The following SORCS2 variants were observed in gnomAD, a reference collection of about 807,000 sequenced individuals.
The protein encoded by SORCS2 is sortilin related VPS10 domain containing receptor 2.
In SORCS2, 100 loss-of-function variants were observed where a neutral mutation model predicts 141.6. The ratio of observed to expected loss-of-function variants is 0.71; its 90% CI spans 0.60 to 0.83. SORCS2 has a LOEUF of 0.83. Among genes scored for constraint, SORCS2 ranks in the 40% least tolerant of loss-of-function variants. SORCS2 has a pLI of 0.00. For missense variants in SORCS2, 1,646 were observed against 1,560.2 expected (o/e 1.05, Z -0.93); for synonymous variants, 789 against 676.9 (o/e 1.17, Z -2.57).
chr4:7,707,087 G>A (rs547432064), intron 14 of SORCS2, among the ~76,000 whole-genome samples: 1 of 152,352 alleles, frequency 6.6e-6, no homozygotes, highest in South Asian at 2.1e-4. Context: ...GCACTCCAGG[G>A]CAGCTCTGTG....
At chr4:7,684,560 C>A (rs1317647343) in intron 10 of SORCS2, among the ~76,000 whole-genome samples, 2 of 152,178 alleles carry the variant, frequency 1.3e-5, no homozygotes. Context: ...ACCCATAAGC[C>A]CTTCTTAGAG....
At chr4:7,301,917 G>A (rs1050914264) in intron 1 of SORCS2, among the ~76,000 whole-genome samples, 7 of 152,156 alleles carry the variant, frequency 4.6e-5, no homozygotes, top group Non-Finnish European at 7.3e-5. Context: ...GTGCCATGGC[G>A]CCTCTCCTTC....
At position 7,546,340 on chromosome 4, in the gene SORCS2, G is replaced by T. The variant is rs1317134425; in HGVS notation, c.648+14711G>T. Among the ~76,000 whole-genome samples, 4 of 152,212 alleles carry T rather than the reference G, an allele frequency of 2.6e-5. No homozygotes were observed. The South Asian group carries it at 6.2e-4, about 24-fold the overall frequency. ...TTCTCCCCTTCCCCGGCACCGGCGGGGCTTGCTAGTGGCAAAGCTCAGCCT... is the reference window on the plus strand; with the variant it reads ...TTCTCCCCTTCCCCGGCACCGGCGGTGCTTGCTAGTGGCAAAGCTCAGCCT... On this transcript the variant is annotated intron_variant, in intron 3 of 26. Coordinates refer to ENST00000507866, the MANE Select transcript of SORCS2 (RefSeq NM_020777.3).
chr4:7,587,257 C>A (rs1716597675), intron 3 of SORCS2, among the ~76,000 whole-genome samples: 1 of 152,122 alleles, frequency 6.6e-6, no homozygotes, highest in African/African-American at 2.4e-5. Flanking sequence ...TAATATTTGG[C>A]CACTCAGATC....
rs575055952 is a variant in SORCS2, at chr4:7,506,610, C to A, written c.549-24920C>A. 1.2e-4 allele frequency among the ~76,000 whole-genome samples: 19 copies of A among 152,290 alleles called. No homozygotes were observed. In the South Asian group the frequency reaches 2.9e-3, roughly 23 times the overall value. ...CCGCATGGCCCTTGGCTTGTCATTT[C>A]CCCCTGCTCTGGGCCTCAGTGCTTC... On this transcript the variant is annotated intron_variant, in intron 2 of 26. Transcript: ENST00000507866.
chr4:7,339,701 A>G (rs1720251721), intron 1 of SORCS2, among the ~76,000 whole-genome samples: 1 of 152,250 alleles, frequency 6.6e-6, no homozygotes, highest in Non-Finnish European at 1.5e-5. Flanking sequence ...AAATAAGGGC[A>G]CATTCGTAGG....
At position 7,486,653 on chromosome 4, in the gene SORCS2, C is replaced by T. The variant is rs776408678; in HGVS notation, c.549-44877C>T. 1.1e-4 allele frequency among the ~76,000 whole-genome samples: 16 copies of T among 152,300 alleles called. No individual in the cohort carries two copies. The Middle Eastern group carries it at 0.01, about 97-fold the overall frequency. On this transcript the variant is annotated intron_variant, in intron 2 of 26. Transcript: ENST00000507866. ...TATTCTCTCCCAGAAGCCTGGAAGT[C>T]GGAAATCACGGTGTCTGCAAGGCAT...
chr4:7,535,959 G>A (rs1712090721), intron 3 of SORCS2, among the ~76,000 whole-genome samples: 1 of 152,244 alleles, frequency 6.6e-6, no homozygotes, highest in Admixed American at 6.5e-5. Context: ...CCGGGGCAGC[G>A]ATTTGTTATC....
At chr4:7,197,005 A>T (rs1727213293) in intron 1 of SORCS2, among the ~76,000 whole-genome samples, 1 of 152,200 alleles carries the variant, frequency 6.6e-6, no homozygotes, top group African/African-American at 2.4e-5. Flanking sequence ...CTGCCAGGGC[A>T]AAGTGCCACA....
intron 1 of SORCS2, among the ~76,000 whole-genome samples, chr4:7,306,339 A>G: frequency 6.7e-6 from 1 of 148,876 alleles, no homozygotes; most frequent in African/African-American, 2.5e-5. Context: ...TCTGGAAGGA[A>G]GTCCAGAGTT....
At chr4:7,427,267 G>A (rs1726509489) in intron 2 of SORCS2, among the ~76,000 whole-genome samples, 1 of 152,178 alleles carries the variant, frequency 6.6e-6, no homozygotes, top group Admixed American at 6.5e-5. Context: ...GGGGCTTTGA[G>A]TCACTGAACA....
chr4:7,275,603 C>G (rs1362481610), intron 1 of SORCS2, among the ~76,000 whole-genome samples: 1 of 152,176 alleles, frequency 6.6e-6, no homozygotes, highest in African/African-American at 2.4e-5. Flanking sequence ...GCCAGACTTT[C>G]AGCTGTCACT....
intron 2 of SORCS2, among the ~76,000 whole-genome samples, chr4:7,463,781 G>A (rs557763262): frequency 2.0e-5 from 3 of 152,212 alleles, no homozygotes; most frequent in Non-Finnish European, 4.4e-5. Flanking sequence ...GCCCTGATTA[G>A]TGTTTCAGCA....
At chr4:7,674,239 G>A (rs1722965135) in intron 8 of SORCS2, among the ~76,000 whole-genome samples, 1 of 152,174 alleles carries the variant, frequency 6.6e-6, no homozygotes, top group South Asian at 2.1e-4. Flanking sequence ...TGTGGCTCCT[G>A]CCACTGTGGG....
rs556148869 is a variant in SORCS2, at chr4:7,740,182, G to T, written c.3416-18G>T. The stretch of plus-strand genomic sequence containing the variant: ...CCGGGCTTGTGCTCACGGGACCTGC[G>T]TCTCTTCTGTTTCCTAGGCAACCAC... On this transcript the variant is annotated intron_variant, in intron 26 of 26. Coordinates refer to ENST00000507866, the MANE Select transcript of SORCS2 (RefSeq NM_020777.3). The T allele has an allele frequency of 2.5e-6, 4 of 1,602,150 alleles. No homozygotes were observed. The highest frequency in any genetic ancestry group is 2.7e-5 in the African/African-American group (2 of 74,758).
chr4:7,465,914 CAG>C (rs1393773852), intron 2 of SORCS2, among the ~76,000 whole-genome samples: 2 of 152,214 alleles, frequency 1.3e-5, no homozygotes, highest in East Asian at 1.9e-4. Flanking sequence ...GATGAGGAAA[CAG>C]AGGTGCAGAC....
chr4:7,683,314 T>C (rs34171648), intron 10 of SORCS2, among the ~76,000 whole-genome samples: 2,498 of 71,604 alleles, frequency 0.035, 30 homozygotes, highest in Middle Eastern at 0.059. Flanking sequence ...CTCAGCTGAG[T>C]GGCTCTGCTG....
chr4:7,635,678 A>G (rs1029328886), intron 3 of SORCS2, among the ~76,000 whole-genome samples: 1 of 152,162 alleles, frequency 6.6e-6, no homozygotes, highest in African/African-American at 2.4e-5. Flanking sequence ...TTATTATGTA[A>G]TCAAAGCCTC....
intron 1 of SORCS2, among the ~76,000 whole-genome samples, chr4:7,309,004 G>C (rs953269186): frequency 2.6e-5 from 4 of 152,138 alleles, no homozygotes; most frequent in South Asian, 2.1e-4. Context: ...GAGCTTTTCA[G>C]AGCCCTGGGC....
Sources: allele counts gnomAD v4.1 joint callset (sites outside exome capture counted in the v4.1 genomes callset), GRCh38; gene constraint gnomAD v4.1.1; transcripts MANE v1.5; gene names NCBI Gene and HGNC (gene_info 2026-07-23, HGNC 2026-07-21).